The following GRID2 variants were observed in gnomAD, a reference collection of about 807,000 sequenced individuals.
The protein encoded by GRID2 is glutamate receptor ionotropic, delta-2.
GRID2 carries 33 observed loss-of-function variants against 114.8 expected under a neutral mutation model. The observed-to-expected ratio is 0.29, with a 90% CI of 0.22 to 0.38. The LOEUF (loss-of-function observed/expected upper bound fraction) is 0.38. GRID2 is among the 10% of genes least tolerant of loss of function. The probability of loss-of-function intolerance (pLI) is 1.00; values close to 1 mark genes in which losing one functional copy is unlikely to be tolerated. For missense variants in GRID2, 1,184 were observed against 1,257.7 expected (o/e 0.94, Z 0.89); for synonymous variants, 505 against 449.9 (o/e 1.12, Z -1.55).
At chr4:93,626,627 T>G (rs568965611) in intron 14 of GRID2, among the ~76,000 whole-genome samples, 192 bp downstream of exon 14, 1 of 151,764 alleles carries the variant, frequency 6.6e-6, no homozygotes, top group South Asian at 2.1e-4. Context: ...GAAGTATTGT[T>G]TTTTCCATAA....
At chr4:93,454,182 T>C (rs1159425253) in intron 10 of GRID2, among the ~76,000 whole-genome samples, 1 of 152,036 alleles carries the variant, frequency 6.6e-6, no homozygotes, top group Non-Finnish European at 1.5e-5. Context: ...GTACGTATAC[T>C]AATATGGTCT....
intron 2 of GRID2, among the ~76,000 whole-genome samples, chr4:93,043,920 T>A (rs534778894): frequency 8.6e-5 from 13 of 150,336 alleles, no homozygotes; most frequent in South Asian, 6.3e-4. Context: ...TAATTAAAAA[T>A]ATATATATAT....
At chr4:92,419,243 T>C (rs1321628681) in intron 1 of GRID2, among the ~76,000 whole-genome samples, 1 of 152,152 alleles carries the variant, frequency 6.6e-6, no homozygotes, top group Non-Finnish European at 1.5e-5. Context: ...CCTGTGACTG[T>C]CTCTTAATTG....
At chr4:92,595,159 A>G (rs1000709190) in intron 2 of GRID2, among the ~76,000 whole-genome samples, 1 of 152,038 alleles carries the variant, frequency 6.6e-6, no homozygotes, top group African/African-American at 2.4e-5. Context: ...TAAGGGCAAC[A>G]TTATACTATA....
intron 2 of GRID2, among the ~76,000 whole-genome samples, chr4:93,013,240 T>A (rs1722359006): frequency 1.3e-5 from 2 of 152,002 alleles, no homozygotes; most frequent in African/African-American, 4.8e-5. Flanking sequence ...AGGTGGATGA[T>A]CTCGAGAGAT....
At chr4:92,813,940 T>C (rs1740765941) in intron 2 of GRID2, among the ~76,000 whole-genome samples, 1 of 152,124 alleles carries the variant, frequency 6.6e-6, no homozygotes, top group Non-Finnish European at 1.5e-5. Context: ...CCCTGCCAGT[T>C]CTCTGTTCCT....
chr4:92,700,315 G>A lies in GRID2; in HGVS notation c.244+110029G>A, dbSNP rs531409049. On this transcript the variant is annotated intron_variant, in intron 2 of 15. Transcript: ENST00000282020. ...CTCCTTGTCATTTGGCTAGGTCATA[G>A]GTTGAGAAACATTGGTATCATTGAT... 3.3e-5 allele frequency among the ~76,000 whole-genome samples: 5 copies of A among 152,202 alleles called. No homozygotes were observed. In the South Asian group the frequency reaches 1.0e-3, roughly 32 times the overall value.
intron 10 of GRID2, among the ~76,000 whole-genome samples, chr4:93,432,735 A>G (rs1268030666): frequency 6.6e-6 from 1 of 152,094 alleles, no homozygotes; most frequent in African/African-American, 2.4e-5. Flanking sequence ...CTCTAATGTA[A>G]ACTGTACACC....
At chr4:92,822,314 A>G in intron 2 of GRID2, 1 of 618,598 alleles carries the variant, frequency 1.6e-6, no homozygotes, top group Non-Finnish European at 3.1e-6. Context: ...AGAAGCACAG[A>G]GGGATCCATC....
rs1731533172 is a variant in GRID2 at position 92,415,126 on chromosome 4, A to C, written c.88+110382A>C. 2.0e-5 allele frequency among the ~76,000 whole-genome samples: 3 copies of C among 152,008 alleles called. No homozygotes were observed. In the South Asian group the frequency reaches 6.2e-4, roughly 32 times the overall value. ...AATAAAAAGCAAATTTTATCTTGTA[A>C]AATTTTCATCTAATATTTTATTTTC... On this transcript the variant is annotated intron_variant, in intron 1 of 15. Transcript: ENST00000282020.
At chr4:92,791,924 T>C (rs1578196839) in intron 2 of GRID2, among the ~76,000 whole-genome samples, 1 of 151,830 alleles carries the variant, frequency 6.6e-6, no homozygotes, top group Non-Finnish European at 1.5e-5. Context: ...TCATGCAGCA[T>C]GTGTTGAAAA....
intron 1 of GRID2, among the ~76,000 whole-genome samples, chr4:92,574,263 C>A (rs1727776242): frequency 6.6e-6 from 1 of 151,954 alleles, no homozygotes; most frequent in Non-Finnish European, 1.5e-5. Flanking sequence ...CATTCTTTGT[C>A]TTTTAAATGG....
intron 13 of GRID2, among the ~76,000 whole-genome samples, chr4:93,604,212 T>C (rs1246378745): frequency 6.6e-6 from 1 of 152,192 alleles, no homozygotes; most frequent in Non-Finnish European, 1.5e-5. Flanking sequence ...ATGTCAACAT[T>C]AGTAGGAATT....
chr4:92,975,800 C>G (rs766833146), intron 2 of GRID2, among the ~76,000 whole-genome samples: 5 of 151,896 alleles, frequency 3.3e-5, no homozygotes, highest in Non-Finnish European at 2.9e-5. Flanking sequence ...CAAGAGAATA[C>G]GAATTTAATA....
At chr4:93,499,009 T>C (rs1401902701) in intron 12 of GRID2, among the ~76,000 whole-genome samples, 1 of 151,930 alleles carries the variant, frequency 6.6e-6, no homozygotes, top group Non-Finnish European at 1.5e-5. Flanking sequence ...TTTTGACAAA[T>C]GATTTCATTT....
intron 1 of GRID2, among the ~76,000 whole-genome samples, chr4:92,443,039 A>G (rs1733204691): frequency 6.6e-6 from 1 of 152,126 alleles, no homozygotes; most frequent in African/African-American, 2.4e-5. Context: ...GGGAGAGGTC[A>G]GATGGGTCTG....
chr4:92,671,644 C>T (rs1733076344), intron 2 of GRID2, among the ~76,000 whole-genome samples: 1 of 151,960 alleles, frequency 6.6e-6, no homozygotes, highest in African/African-American at 2.4e-5. Flanking sequence ...CAGCTGTGGA[C>T]CCAGAGGAGT....
At chr4:93,631,971 G>A (rs918442852) in intron 14 of GRID2, among the ~76,000 whole-genome samples, 3 of 152,210 alleles carry the variant, frequency 2.0e-5, no homozygotes, top group African/African-American at 7.2e-5. Context: ...GGCCAGTGAT[G>A]ATGAGCATTT....
chr4:93,259,622 T>A (rs1000296919), intron 8 of GRID2, among the ~76,000 whole-genome samples: 2 of 151,896 alleles, frequency 1.3e-5, no homozygotes, highest in Admixed American at 1.3e-4. Flanking sequence ...TTTATTTTTA[T>A]GCAAAGCCTT....
Sources: gnomAD v4.1 joint callset for allele counts (sites outside exome capture counted in the v4.1 genomes callset) on GRCh38, gnomAD v4.1.1 for gene constraint, MANE v1.5 for transcripts, NCBI Gene and HGNC (gene_info 2026-07-23, HGNC 2026-07-21) for gene names.